ERBIN: variants seen among roughly 807,000 people sequenced by gnomAD.
ERBIN encodes the protein densin-180-like protein.
A neutral mutation model predicts 158.4 loss-of-function variants in ERBIN; 60 were observed. The ratio of observed to expected loss-of-function variants is 0.38; its 90% CI spans 0.31 to 0.47. ERBIN has a LOEUF of 0.47. Ranked by LOEUF, ERBIN falls within the 20% of genes least tolerant of loss-of-function variation. The probability of loss-of-function intolerance (pLI) is 0.99; values close to 1 mark genes in which losing one functional copy is unlikely to be tolerated. For synonymous variants in ERBIN, 594 were observed against 557.2 expected, an observed-to-expected ratio of 1.07 and a Z score of -0.93; for missense variants, 1,610 against 1,648.0, an observed-to-expected ratio of 0.98 and a Z score of 0.40.
At position 66,018,567 on chromosome 5, in the gene ERBIN, T is replaced by TTATATAATATATATTATATATTA. The variant is rs370551332; in HGVS notation, c.534-2750_534-2749insAATATATATTATATATTATATAT. ...TATATTATATATTATATAATATATA[T>TTATATAATATATATTATATATTA]TATATTATATAATATATATTATATA... is the stretch of plus-strand genomic sequence containing the variant. On this transcript the variant is annotated intron_variant, in intron 7 of 25. Coordinates refer to ENST00000284037, the MANE Select transcript of ERBIN (RefSeq NM_001253697.2). 3.0e-4 allele frequency among the ~76,000 whole-genome samples: 3 copies of TTATATAATATATATTATATATTA among 9,898 alleles called. 1 individual carries two copies. The highest frequency in any genetic ancestry group is 8.7e-4 in the Non-Finnish European group (3 of 3,450). The allele number at this position is 9,898 out of a possible 152,430, so 6.5% of individuals were successfully genotyped here. A position where few individuals can be genotyped will look rare whatever the true frequency, so the allele number is the denominator to read the frequency against.
chr5:66,025,907 C>T lies in ERBIN; in HGVS notation c.950C>T (p.Ser317Phe). 2 of 1,592,340 alleles carry T rather than the reference C, an allele frequency of 1.3e-6. No individual in the cohort carries two copies. The highest frequency in any genetic ancestry group is 1.7e-6 in the Non-Finnish European group (2 of 1,168,674). ...AATGAAGTTGAAGCTTTGCCTTCAT[C>T]TATTGGGCAGCTTACTAACTTAAGA... ...SFNEVEALPS[S>F]IGQLTNLRTF... The change falls in exon 12 of 26, where the codon TCT becomes TTT. Residue 317 changes from serine to phenylalanine, a missense_variant. Coordinates refer to ENST00000284037, the MANE Select transcript of ERBIN (RefSeq NM_001253697.2).
intron 1 of ERBIN, chr5:65,961,296 A>T (rs555097482): frequency 6.6e-6 from 1 of 152,282 alleles, no homozygotes; most frequent in East Asian, 1.9e-4. Context: ...TTTTTCCCTA[A>T]TTCATTTGGT....
intron 14 of ERBIN, among the ~76,000 whole-genome samples, chr5:66,035,859 C>CA (rs1757341317): frequency 6.6e-6 from 1 of 152,128 alleles, no homozygotes; most frequent in African/African-American, 2.4e-5. Flanking sequence ...TTTGAGAAGT[C>CA]AAGGCAGGAG....
At chr5:66,031,646 CAT>C (rs915934492) in intron 14 of ERBIN, among the ~76,000 whole-genome samples, 1 of 152,112 alleles carries the variant, frequency 6.6e-6, no homozygotes, top group African/African-American at 2.4e-5. Context: ...ACCTGGGAAA[CAT>C]AGCAAGATTC....
At chr5:66,067,540 T>A (rs1243387032) in intron 21 of ERBIN, among the ~76,000 whole-genome samples, 1 of 152,150 alleles carries the variant, frequency 6.6e-6, no homozygotes, top group African/African-American at 2.4e-5. Flanking sequence ...GTGTGTTTAT[T>A]GAGGTACATC....
chr5:65,937,709 C>T (rs1019171232), intron 1 of ERBIN, among the ~76,000 whole-genome samples: 2 of 152,096 alleles, frequency 1.3e-5, no homozygotes, highest in Non-Finnish European at 2.9e-5. Flanking sequence ...GAGATCGAGA[C>T]CATCCTGGCT....
chr5:66,017,325 A>AT (rs1463805638), intron 7 of ERBIN, among the ~76,000 whole-genome samples: 2 of 152,002 alleles, frequency 1.3e-5, no homozygotes, highest in East Asian at 3.9e-4. Context: ...GTGTTCAGAG[A>AT]TTCCTCTTTG....
chr5:66,042,336 CAAAA>C (rs1285431242), intron 15 of ERBIN, among the ~76,000 whole-genome samples: 3 of 151,950 alleles, frequency 2.0e-5, no homozygotes, highest in Non-Finnish European at 4.4e-5. Context: ...CTAATAATAA[CAAAA>C]AACTGACAGT....
At chr5:66,037,477 G>A (rs1326206627) in intron 14 of ERBIN, among the ~76,000 whole-genome samples, 2 of 152,156 alleles carry the variant, frequency 1.3e-5, no homozygotes, top group Non-Finnish European at 2.9e-5. Context: ...GAAGGGAGTA[G>A]AGCTACCGTT....
At chr5:66,048,336 A>G (rs1251673368) in intron 18 of ERBIN, among the ~76,000 whole-genome samples, 1 of 151,856 alleles carries the variant, frequency 6.6e-6, no homozygotes, top group Admixed American at 6.6e-5. Context: ...ATAGAGTGTT[A>G]CTCTAATTCA....
chr5:65,978,728 A>C (rs1489277390), intron 1 of ERBIN, among the ~76,000 whole-genome samples: 3 of 152,222 alleles, frequency 2.0e-5, no homozygotes, highest in African/African-American at 7.2e-5. Context: ...AGAGCCTCAA[A>C]GGCAAAAATC....
At chr5:66,026,449 TA>T in intron 13 of ERBIN, 32 bp downstream of exon 13, 2 of 1,214,774 alleles carry the variant, frequency 1.6e-6, no homozygotes, top group African/African-American at 1.6e-5. Context: ...AGTTGGTTTA[TA>T]GGAGACATTG....
intron 7 of ERBIN, among the ~76,000 whole-genome samples, chr5:66,018,532 T>TATTATAA (rs1270709473): frequency 6.1e-4 from 3 of 4,890 alleles, no homozygotes; most frequent in South Asian, 5.2e-3. Context: ...ATATATTATA[T>TATTATAA]TATATAATAT....
In ERBIN at chr5:66,058,768, C is replaced by T. The variant is rs868659768; in HGVS notation, c.3633+3817C>T. Among the ~76,000 whole-genome samples, 322 of 150,426 alleles carry T rather than the reference C, an allele frequency of 2.1e-3. 2 individuals carry two copies. The highest frequency in any genetic ancestry group is 0.017 in the Middle Eastern group (5 of 294). Reference sequence around the variant, plus strand: ...TTTCTCCATATGGCTAGCCAGTTTTCCCAGCACCATTTATTAAATAGGGAA... The same window carrying T: ...TTTCTCCATATGGCTAGCCAGTTTTTCCAGCACCATTTATTAAATAGGGAA... On this transcript the variant is annotated intron_variant, in intron 21 of 25. Transcript: ENST00000284037.
At chr5:66,059,361 T>C (rs557398851) in intron 21 of ERBIN, among the ~76,000 whole-genome samples, 1 of 152,216 alleles carries the variant, frequency 6.6e-6, no homozygotes, top group Non-Finnish European at 1.5e-5. Context: ...TGTATAAGGA[T>C]GCTTGTGATT....
At chr5:66,069,028 C>T (rs1457550955) in intron 21 of ERBIN, 5 of 1,526,866 alleles carry the variant, frequency 3.3e-6, no homozygotes, top group Non-Finnish European at 2.6e-6. Context: ...CGAGTGAGTA[C>T]CTACACTAGA....
intron 1 of ERBIN, among the ~76,000 whole-genome samples, chr5:65,941,314 A>T (rs1388974887): frequency 0.21 from 360 of 1,712 alleles, 2 homozygotes; most frequent in African/African-American, 0.35. Context: ...AATGATCAAT[A>T]AAAAAAAAAA....
At chr5:65,997,572 A>C (rs1362543571) in intron 4 of ERBIN, among the ~76,000 whole-genome samples, 1 of 152,232 alleles carries the variant, frequency 6.6e-6, no homozygotes, top group Admixed American at 6.5e-5. Context: ...ATTACAAAAA[A>C]GAAAGAATCA....
At chr5:65,939,055 C>T (rs558440819) in intron 1 of ERBIN, among the ~76,000 whole-genome samples, 7 of 152,152 alleles carry the variant, frequency 4.6e-5, no homozygotes, top group South Asian at 2.1e-4. Context: ...AGAGCTGGCC[C>T]GCTTTATCCA....
Sources: allele counts gnomAD v4.1 joint callset (sites outside exome capture counted in the v4.1 genomes callset), GRCh38; gene constraint gnomAD v4.1.1; transcripts MANE v1.5; gene names NCBI Gene and HGNC (gene_info 2026-07-23, HGNC 2026-07-21).